Variants in RORA observed in about 807,000 individuals in gnomAD.
The protein encoded by RORA is RAR related orphan receptor A.
Under a neutral mutation model 69.5 loss-of-function variants are expected in RORA, and 7 were observed. The ratio of observed to expected loss-of-function variants is 0.10; its 90% CI spans 0.06 to 0.19. The LOEUF is 0.19. Among genes scored for constraint, RORA ranks in the 10% least tolerant of loss-of-function variants. The pLI, the probability that RORA is intolerant of heterozygous loss-of-function variation, is 1.00. For missense variants in RORA, 457 were observed against 663.0 expected (o/e 0.69, Z 3.41); for synonymous variants, 261 against 240.8 (o/e 1.08, Z -0.78).
At chr15:60,720,882 G>C (rs2071284535) in intron 1 of RORA, among the ~76,000 whole-genome samples, 1 of 151,998 alleles carries the variant, frequency 6.6e-6, no homozygotes, top group Non-Finnish European at 1.5e-5. Flanking sequence ...TTTCGACTGG[G>C]GGCTTCCTAG....
intron 1 of RORA, among the ~76,000 whole-genome samples, chr15:60,806,380 T>G (rs968328782): frequency 5.9e-5 from 9 of 152,328 alleles, no homozygotes; most frequent in Non-Finnish European, 1.2e-4. Flanking sequence ...AGCAGCCACA[T>G]GCAGACTAAA....
intron 2 of RORA, among the ~76,000 whole-genome samples, chr15:60,638,077 T>C (rs1053077500): frequency 5.9e-5 from 9 of 152,298 alleles, no homozygotes; most frequent in South Asian, 2.1e-4. Context: ...AAGAATTAGG[T>C]ACCTTTTGGT....
intron 1 of RORA, among the ~76,000 whole-genome samples, chr15:60,679,444 C>G (rs2070608596): frequency 6.6e-6 from 1 of 152,128 alleles, no homozygotes; most frequent in African/African-American, 2.4e-5. Flanking sequence ...TAAATGTATG[C>G]TTTGATGCAA....
In RORA at chr15:60,530,087, A is replaced by C. The variant is rs1427976748; in HGVS notation, c.282+1679T>G. The C allele has an allele frequency of 4.6e-5, 7 of 152,384 alleles. No individual in the cohort carries two copies. In the East Asian group the frequency reaches 1.3e-3, roughly 29 times the overall value. 9.4% of individuals were successfully genotyped at this position (152,384 alleles called of 1,614,324 possible). A position where few individuals can be genotyped will look rare whatever the true frequency, so the allele number is the denominator to read the frequency against. ...CAGTCTATAAACCCTCTATTGAGAA[A>C]GGCCATGACATGTCTACCAGGGACA... On this transcript the variant is annotated intron_variant, in intron 3 of 10. Coordinates refer to ENST00000335670, the MANE Select transcript of RORA (RefSeq NM_134261.3).
chr15:61,055,140 A>G (rs782951), intron 1 of RORA, among the ~76,000 whole-genome samples: 36,106 of 152,020 alleles, frequency 0.24, 4,650 homozygotes, highest in African/African-American at 0.32. Context: ...CCCGGCCTAA[A>G]ACACAGTCTT....
At chr15:61,170,599 A>G (rs909261094) in intron 1 of RORA, among the ~76,000 whole-genome samples, 1 of 152,182 alleles carries the variant, frequency 6.6e-6, no homozygotes, top group African/African-American at 2.4e-5. Flanking sequence ...GGACTTCGCT[A>G]TTTTGCCTGC....
chr15:60,649,741 G>A (rs2070111965), intron 2 of RORA, among the ~76,000 whole-genome samples: 1 of 152,168 alleles, frequency 6.6e-6, no homozygotes, highest in South Asian at 2.1e-4. Flanking sequence ...CCATGGAGCT[G>A]TGTAAACATT....
intron 1 of RORA, among the ~76,000 whole-genome samples, chr15:61,135,040 G>C (rs1006993582): frequency 6.6e-6 from 1 of 151,378 alleles, no homozygotes; most frequent in Non-Finnish European, 1.5e-5. Context: ...AATAGCAGTG[G>C]CTCATGCCTG....
At position 61,210,907 on chromosome 15, in the gene RORA, G is replaced by A. The variant is rs2079985154; in HGVS notation, c.166+18146C>T. The stretch of plus-strand genomic sequence containing the variant: ...TTCTCTTCCTACTCTTCTGCACAGA[G>A]AGGCCCTGACCCTCAGCTGTCGCTG... On this transcript the variant is annotated intron_variant, in intron 1 of 10. Coordinates refer to ENST00000335670, the MANE Select transcript of RORA (RefSeq NM_134261.3). Among the ~76,000 whole-genome samples, 2 of 152,310 alleles carry A rather than the reference G, an allele frequency of 1.3e-5. 1 individual carries two copies. The highest frequency in any genetic ancestry group is 4.8e-5 in the African/African-American group (2 of 41,572).
At chr15:60,501,166 TAGAAGGTCTTAGGAGAAAAACATG>T in intron 8 of RORA, 97 bp from the exon 9 acceptor site, 1 of 605,222 alleles carries the variant, frequency 1.7e-6, no homozygotes, top group Non-Finnish European at 3.1e-6. Flanking sequence ...CTAAGTCCAA[TAGAAGGTCTTAGGAGAAAAACATG>T]GGGAAGGTGA....
chr15:60,881,694 G>A (rs1019088762), intron 1 of RORA, among the ~76,000 whole-genome samples: 1 of 152,042 alleles, frequency 6.6e-6, no homozygotes, highest in Admixed American at 6.6e-5. Flanking sequence ...GACTTTTTCT[G>A]AACAATGGTT....
intron 3 of RORA, among the ~76,000 whole-genome samples, chr15:60,524,010 TC>T (rs200566003): frequency 0.01 from 1,546 of 152,244 alleles, 22 homozygotes; most frequent in Middle Eastern, 0.034. Flanking sequence ...TTCCCAGCTG[TC>T]CTCTCCAGTG....
At chr15:60,707,836 GAA>G (rs1399991960) in intron 1 of RORA, among the ~76,000 whole-genome samples, 1 of 152,132 alleles carries the variant, frequency 6.6e-6, no homozygotes, top group Admixed American at 6.5e-5. Flanking sequence ...CTCCAGCCTG[GAA>G]TATCACCCTA....
At chr15:61,211,815 C>T (rs915513985) in intron 1 of RORA, 12 of 152,188 alleles carry the variant, frequency 7.9e-5, no homozygotes, top group African/African-American at 2.9e-4. Context: ...TTTTCTGGTC[C>T]CTCGATGGGC....
At chr15:60,992,563 C>T (rs1435917722) in intron 1 of RORA, among the ~76,000 whole-genome samples, 1 of 152,176 alleles carries the variant, frequency 6.6e-6, no homozygotes, top group Non-Finnish European at 1.5e-5. Context: ...TGGCAAGCTA[C>T]CGTGGGATCA....
rs186156104 is a variant in RORA, at chr15:60,879,402, T to C, written c.167-200716A>G. Among the ~76,000 whole-genome samples the C allele has an allele frequency of 5.9e-5, 9 of 152,134 alleles. No individual in the cohort carries two copies. In the East Asian group the frequency reaches 1.5e-3, roughly 26 times the overall value. On this transcript the variant is annotated intron_variant, in intron 1 of 10. Coordinates refer to ENST00000335670, the MANE Select transcript of RORA (RefSeq NM_134261.3). Reference sequence around the variant, plus strand: ...CTGTTGGGTAGAGTATATGAGATAATATATTTAAGGCCTTTAACAGAGCCA... The same window carrying C: ...CTGTTGGGTAGAGTATATGAGATAACATATTTAAGGCCTTTAACAGAGCCA...
chr15:60,812,646 T>C (rs1267769631), intron 1 of RORA, among the ~76,000 whole-genome samples: 1 of 152,222 alleles, frequency 6.6e-6, no homozygotes, highest in Non-Finnish European at 1.5e-5. Flanking sequence ...AGGAATAACA[T>C]CAATAAATAT....
At chr15:60,841,676 A>C (rs2073200094) in intron 1 of RORA, among the ~76,000 whole-genome samples, 1 of 152,198 alleles carries the variant, frequency 6.6e-6, no homozygotes, top group African/African-American at 2.4e-5. Flanking sequence ...ACAAGTGGAC[A>C]GGTGGAGCCA....
At chr15:60,946,425 G>A (rs1337476640) in intron 1 of RORA, among the ~76,000 whole-genome samples, 2 of 152,300 alleles carry the variant, frequency 1.3e-5, no homozygotes, top group Admixed American at 6.5e-5. Flanking sequence ...GCGCCGCCAC[G>A]CCTGACTGGT....
Sources: allele counts gnomAD v4.1 joint callset (sites outside exome capture counted in the v4.1 genomes callset), GRCh38; gene constraint gnomAD v4.1.1; transcripts MANE v1.5; gene names NCBI Gene and HGNC (gene_info 2026-07-23, HGNC 2026-07-21).